The following ZNF827 variants were observed in gnomAD, a reference collection of about 807,000 sequenced individuals.
ZNF827 encodes the protein zinc finger protein 827.
In ZNF827, 13 loss-of-function variants were observed where a neutral mutation model predicts 102.4. That is an observed-to-expected ratio of 0.13 (90% CI 0.08 to 0.20). ZNF827 has a LOEUF of 0.20. Ranked by LOEUF, ZNF827 falls within the 10% of genes least tolerant of loss-of-function variation. The pLI is 1.00. For synonymous variants in ZNF827, 523 were observed against 536.2 expected (o/e 0.98, Z 0.34); for missense variants, 1,103 against 1,344.4 (o/e 0.82, Z 2.81).
chr4:145,846,208 G>C (rs1745917803), intron 6 of ZNF827, among the ~76,000 whole-genome samples, 195 bp from the exon 7 acceptor site: 1 of 152,214 alleles, frequency 6.6e-6, no homozygotes. Flanking sequence ...ATAGTATCCA[G>C]TGGCTCACGC....
chr4:145,758,889 G>A lies in ZNF827; in HGVS notation c.*2727C>T, dbSNP rs1734166761. The A allele has an allele frequency of 6.6e-6, 1 of 152,384 alleles. No individual in the cohort carries two copies. The highest frequency in any genetic ancestry group is 2.1e-4 in the South Asian group (1 of 4,832). 9.4% of individuals were successfully genotyped at this position (152,384 alleles called of 1,614,324 possible). On this transcript the variant is annotated 3_prime_UTR_variant, in exon 15 of 15. Transcript: ENST00000508784. ...CACCTACTAGGTGTGGGGAAGAGGG[G>A]CTGGCGTGGAGGGGACTGAGGAGAC...
At chr4:145,931,958 G>A (rs1753838954) in intron 1 of ZNF827, among the ~76,000 whole-genome samples, 1 of 152,182 alleles carries the variant, frequency 6.6e-6, no homozygotes, top group Non-Finnish European at 1.5e-5. Flanking sequence ...GATAGTATTA[G>A]AGATGGGGCC....
Position 145,870,155 on chromosome 4 carries a change from T to C in ZNF827, c.1981+90A>G, listed in dbSNP as rs1009513537. The C allele has an allele frequency of 3.6e-5, 44 of 1,208,046 alleles. No individual in the cohort carries two copies. The Middle Eastern group carries it at 6.3e-4, about 17-fold the overall frequency. The allele number at this position is 1,208,046 out of a possible 1,614,324, so 74.8% of individuals were successfully genotyped here. On this transcript the variant is annotated intron_variant, in intron 5 of 14. Transcript: ENST00000508784. ...CAGCAATAATGCGATATTGCTGCCA[T>C]TGGGTTAATTATAACCCATGCAGGA...
rs150552857 is a variant in ZNF827, at chr4:145,816,103, C to G, written c.2383+7319G>C. Among the ~76,000 whole-genome samples the G allele has an allele frequency of 8.6e-3, 1,310 of 152,326 alleles. 13 individuals carry two copies. Among genetic ancestry groups the G allele is most frequent in the African/African-American group, 0.029 (1,221 of 41,564 alleles). On this transcript the variant is annotated intron_variant, in intron 8 of 14. Coordinates refer to ENST00000508784, the MANE Select transcript of ZNF827 (RefSeq NM_001306215.2). ...CAGGCTGGTCTCAAACTCCTGGGCT[C>G]AACTGATCCTCCCACCCCAGCCTCC...
chr4:145,921,591 T>C (rs1753071388), intron 1 of ZNF827, among the ~76,000 whole-genome samples: 1 of 151,738 alleles, frequency 6.6e-6, no homozygotes, highest in African/African-American at 2.4e-5. Context: ...CTAGAGATAT[T>C]TGGGAAGCAG....
intron 8 of ZNF827, among the ~76,000 whole-genome samples, chr4:145,800,526 C>T (rs1034003715): frequency 2.0e-5 from 3 of 152,096 alleles, no homozygotes; most frequent in Admixed American, 6.5e-5. Context: ...CCACCTGCCT[C>T]GGTCTCCCAA....
intron 1 of ZNF827, among the ~76,000 whole-genome samples, chr4:145,904,732 G>A (rs111573243): frequency 4.7e-4 from 71 of 152,332 alleles, no homozygotes; most frequent in Admixed American, 5.2e-4. Context: ...GTGTGTGTGC[G>A]CGTGTGTGCA....
At chr4:145,806,225 C>T (rs903474371) in intron 8 of ZNF827, among the ~76,000 whole-genome samples, 10 of 146,984 alleles carry the variant, frequency 6.8e-5, no homozygotes, top group African/African-American at 2.3e-4. Context: ...TATCTGGGCT[C>T]ACTGCAACCT....
At position 145,823,541 on chromosome 4, in the gene ZNF827, G is replaced by C. The variant is rs371377709; in HGVS notation, c.2280-16C>G. The C allele has an allele frequency of 6.4e-7, 1 of 1,567,318 alleles. No homozygotes were observed. Among genetic ancestry groups the C allele is most frequent in the Admixed American group, 1.7e-5 (1 of 59,834 alleles). On this transcript the variant is annotated splice_polypyrimidine_tract_variant and intron_variant, in intron 7 of 14. Transcript: ENST00000508784. ...AAAGAAAGGGCTGGGGTGGGGGAGGGGGAGTGAAGTTTAGTAAATTAAAGT... is the reference window on the plus strand; with the variant it reads ...AAAGAAAGGGCTGGGGTGGGGGAGGCGGAGTGAAGTTTAGTAAATTAAAGT...
chr4:145,783,294 G>A (rs1350483682), intron 8 of ZNF827, among the ~76,000 whole-genome samples: 1 of 152,212 alleles, frequency 6.6e-6, no homozygotes, highest in Non-Finnish European at 1.5e-5. Context: ...GAGGTGAATA[G>A]ACATTATTCT....
intron 8 of ZNF827, among the ~76,000 whole-genome samples, chr4:145,813,062 C>T (rs958868891): frequency 5.9e-5 from 9 of 152,152 alleles, no homozygotes; most frequent in Non-Finnish European, 8.8e-5. Context: ...CCCCTTTGTC[C>T]GGCATTCCAT....
intron 8 of ZNF827, among the ~76,000 whole-genome samples, chr4:145,822,724 G>A (rs965405096): frequency 3.3e-5 from 5 of 152,168 alleles, no homozygotes; most frequent in Non-Finnish European, 5.9e-5. Context: ...AGAGTGCAGC[G>A]GTTCTCAGAT....
chr4:145,840,622 T>C (rs572619233), intron 7 of ZNF827, among the ~76,000 whole-genome samples: 11 of 152,368 alleles, frequency 7.2e-5, no homozygotes, highest in African/African-American at 2.6e-4. Context: ...CTGGTTTCTT[T>C]TCTTAATTGC....
intron 1 of ZNF827, among the ~76,000 whole-genome samples, chr4:145,914,530 G>A (rs182700786): frequency 1.2e-3 from 180 of 152,268 alleles, no homozygotes; most frequent in African/African-American, 4.0e-3. Context: ...TTGTGCCAGG[G>A]CTGCTATCAA....
intron 5 of ZNF827, among the ~76,000 whole-genome samples, chr4:145,866,243 G>A (rs6811690): frequency 0.19 from 29,405 of 152,114 alleles, 3,340 homozygotes; most frequent in East Asian, 0.43. Context: ...TATAACCAAA[G>A]GGGCCCTAAT....
chr4:145,833,595 C>A (rs1744485812), intron 7 of ZNF827, among the ~76,000 whole-genome samples: 1 of 152,066 alleles, frequency 6.6e-6, no homozygotes, highest in South Asian at 2.1e-4. Context: ...AGCGGCAAGT[C>A]CCGCTTTTCT....
chr4:145,860,662 G>A (rs1045050679), intron 5 of ZNF827, among the ~76,000 whole-genome samples: 3 of 151,930 alleles, frequency 2.0e-5, no homozygotes, highest in Non-Finnish European at 4.4e-5. Context: ...CCCGTAGTTA[G>A]AAAAAAGGAA....
chr4:145,916,692 A>C (rs1752691018), intron 1 of ZNF827, among the ~76,000 whole-genome samples: 1 of 152,160 alleles, frequency 6.6e-6, no homozygotes, highest in South Asian at 2.1e-4. Flanking sequence ...AGAATCCTTC[A>C]AATTCCTCAT....
intron 5 of ZNF827, among the ~76,000 whole-genome samples, chr4:145,859,864 C>A (rs1747535987): frequency 1.3e-5 from 2 of 152,116 alleles, no homozygotes; most frequent in African/African-American, 4.8e-5. Flanking sequence ...GAACGTCAGG[C>A]AGGAACAGCT....
Sources: gnomAD v4.1 joint callset for allele counts (sites outside exome capture counted in the v4.1 genomes callset) on GRCh38, gnomAD v4.1.1 for gene constraint, MANE v1.5 for transcripts, NCBI Gene and HGNC (gene_info 2026-07-23, HGNC 2026-07-21) for gene names.